The following ENTPD5 variants were observed in gnomAD, a reference collection of about 807,000 sequenced individuals.
ENTPD5 encodes nucleoside diphosphate phosphatase ENTPD5.
A neutral mutation model predicts 60.2 loss-of-function variants in ENTPD5; 49 were observed. The observed-to-expected ratio is 0.81, with a 90% CI of 0.65 to 1.03. ENTPD5 has a LOEUF of 1.03. ENTPD5 is among the 50% of genes least tolerant of loss of function. ENTPD5 has a pLI of 0.00. For missense variants in ENTPD5, 480 were observed against 507.6 expected (o/e 0.95, Z 0.52); for synonymous variants, 187 against 185.4 (o/e 1.01, Z -0.07).
rs570118694 is a variant in ENTPD5, at chr14:73,973,021, T to G, written c.890A>C (p.Glu297Ala). The change falls in exon 13 of 16, where the codon GAG becomes GCG. Residue 297 changes from glutamate to alanine, a missense_variant. By Grantham distance (107) the Glu-to-Ala change is moderately radical. Transcript: ENST00000334696. Reference protein sequence around the residue: ...KYQYGGNQEGEVGFEPCYAEV... With the variant: ...KYQYGGNQEGAVGFEPCYAEV... ...GGCATAGCAGGGCTCAAAGCCCACC[T>G]CCCCTGCCAGGCAAAGGTGCACAGG... The G allele has an allele frequency of 5.5e-5, 89 of 1,613,966 alleles. No individual in the cohort carries two copies. The Admixed American group carries it at 1.3e-3, about 24-fold the overall frequency.
chr14:74,001,967 A>G (rs2140791378), intron 3 of ENTPD5, among the ~76,000 whole-genome samples: 1 of 152,316 alleles, frequency 6.6e-6, no homozygotes. Context: ...CATTTAATGC[A>G]GAGGATAAAG....
At chr14:74,010,250 T>C (rs1285441152) in intron 3 of ENTPD5, among the ~76,000 whole-genome samples, 2 of 152,088 alleles carry the variant, frequency 1.3e-5, no homozygotes, top group African/African-American at 4.8e-5. Flanking sequence ...CTATAACACT[T>C]AGTGTTTGGT....
intron 5 of ENTPD5, chr14:73,986,577 T>A: frequency 2.0e-6 from 1 of 511,666 alleles, no homozygotes; most frequent in South Asian, 2.5e-5. Flanking sequence ...GAGTAATCTC[T>A]TAAAAGCTAG....
intron 12 of ENTPD5, among the ~76,000 whole-genome samples, chr14:73,973,458 C>G (rs2072292): frequency 0.4 from 61,217 of 152,114 alleles, 13,396 homozygotes; most frequent in South Asian, 0.49. Flanking sequence ...ACTAAACAGG[C>G]TTTCACACTG....
chr14:74,006,121 T>C (rs1594948099), intron 3 of ENTPD5, among the ~76,000 whole-genome samples: 1 of 151,972 alleles, frequency 6.6e-6, no homozygotes, highest in African/African-American at 2.4e-5. Context: ...CCAAAGTAGC[T>C]GGGATTACAG....
At chr14:74,014,136 A>C (rs1277701818) in intron 2 of ENTPD5, among the ~76,000 whole-genome samples, 2 of 152,204 alleles carry the variant, frequency 1.3e-5, no homozygotes, top group Admixed American at 6.5e-5. Flanking sequence ...ATAAAGGAAC[A>C]GTAGTTAATG....
chr14:73,977,524 T>A (rs984740327), intron 6 of ENTPD5, 150 bp from the exon 7 acceptor site: 1 of 575,502 alleles, frequency 1.7e-6, no homozygotes, highest in Non-Finnish European at 3.0e-6. Context: ...CCTAAGAAAC[T>A]AGAGAAGAAA....
chr14:73,975,635 C>A (rs1305474031), intron 10 of ENTPD5, among the ~76,000 whole-genome samples: 1 of 152,084 alleles, frequency 6.6e-6, no homozygotes, highest in Non-Finnish European at 1.5e-5. Context: ...AACGCCTGAC[C>A]TCAGGTGACC....
rs1373824822 is a variant in ENTPD5, at chr14:73,966,997, G to T, written c.1218C>A (p.Asn406Lys). 1 of 1,614,090 alleles carries T rather than the reference G, an allele frequency of 6.2e-7. No individual in the cohort carries two copies. The change falls in exon 16 of 16, where the codon AAC becomes AAA. Residue 406 changes from asparagine to lysine, a missense_variant. By Grantham distance (94) the Asn-to-Lys change is moderately conservative. Coordinates refer to ENST00000334696, the MANE Select transcript of ENTPD5 (RefSeq NM_001249.5). Reference sequence around the variant, plus strand: ...CCAAGGCCCAGCCCGTCTCTATGTTGTTCACTTTCTTTGTGAGCTGTTGAG... The same window carrying T: ...CCAAGGCCCAGCCCGTCTCTATGTTTTTCACTTTCTTTGTGAGCTGTTGAG... ...STVLQLTKKV[N>K]NIETGWALGA...
chr14:73,969,709 A>T (rs376475615), intron 15 of ENTPD5, among the ~76,000 whole-genome samples: 1 of 128,326 alleles, frequency 7.8e-6, no homozygotes, highest in African/African-American at 2.7e-5. Flanking sequence ...CATCTCAAAA[A>T]AATAATAATA....
intron 3 of ENTPD5, among the ~76,000 whole-genome samples, chr14:74,001,338 T>C (rs1037446643): frequency 1.3e-5 from 2 of 151,882 alleles, no homozygotes; most frequent in Non-Finnish European, 2.9e-5. Flanking sequence ...CCGTCTCTAC[T>C]AAAAATACAA....
intron 1 of ENTPD5, among the ~76,000 whole-genome samples, chr14:74,017,293 G>C (rs1594973237): frequency 6.7e-6 from 1 of 149,568 alleles, no homozygotes; most frequent in Non-Finnish European, 1.5e-5. Context: ...ACTCCAGCCT[G>C]GGAAACAAGA....
At chr14:73,961,635 C>T (rs116737018), downstream of ENTPD5, 4,880 of 1,602,050 alleles carry the variant, frequency 3.0e-3, 122 homozygotes, top group African/African-American at 0.054. Flanking sequence ...TCAGGGCCCA[C>T]AGTAGCAAGA....
In ENTPD5 at chr14:74,019,288, C is replaced by T. The variant is rs2059186794; in HGVS notation, c.-276G>A. The T allele has an allele frequency of 1.1e-5, 6 of 558,184 alleles. No individual in the cohort carries two copies. Among genetic ancestry groups the T allele is most frequent in the South Asian group, 1.6e-4 (2 of 12,612 alleles). 34.6% of individuals were successfully genotyped at this position (558,184 alleles called of 1,614,324 possible). ...CCCTTGCGCGGCAGCCCGCCGCCCTCGGCGCGACCTCCGCCCCACCCCGCG... is the reference window on the plus strand; with the variant it reads ...CCCTTGCGCGGCAGCCCGCCGCCCTTGGCGCGACCTCCGCCCCACCCCGCG... On this transcript the variant is annotated 5_prime_UTR_variant, in exon 1 of 16. Coordinates refer to ENST00000334696, the MANE Select transcript of ENTPD5 (RefSeq NM_001249.5).
intron 3 of ENTPD5, among the ~76,000 whole-genome samples, chr14:73,991,513 G>C (rs766131113): frequency 6.6e-6 from 1 of 151,240 alleles, no homozygotes; most frequent in African/African-American, 2.4e-5. Context: ...ACTTGAACCC[G>C]GGAGGCGGAG....
chr14:74,002,459 G>T (rs913072578), intron 3 of ENTPD5, among the ~76,000 whole-genome samples: 3 of 151,654 alleles, frequency 2.0e-5, no homozygotes, highest in African/African-American at 7.3e-5. Flanking sequence ...TAGAGATGGA[G>T]TCTCACTATG....
chr14:73,959,255 A>C (rs969608411), downstream of ENTPD5: 1 of 1,614,164 alleles, frequency 6.2e-7, no homozygotes, highest in East Asian at 2.2e-5. Context: ...GTCCGCCCAC[A>C]TGCATGCAAG....
At chr14:73,958,828 G>T (rs2056567854), downstream of ENTPD5, 3 of 1,536,582 alleles carry the variant, frequency 2.0e-6, no homozygotes, top group Non-Finnish European at 2.6e-6. Context: ...TCCACCTCTA[G>T]GGGCTGTGAG....
At chr14:74,011,448 G>C (rs2058842187) in intron 2 of ENTPD5, among the ~76,000 whole-genome samples, 1 of 152,114 alleles carries the variant, frequency 6.6e-6, no homozygotes, top group African/African-American at 2.4e-5. Flanking sequence ...CTAGAAGCTG[G>C]TGTATATGTG....
Sources: allele counts gnomAD v4.1 joint callset (sites outside exome capture counted in the v4.1 genomes callset), GRCh38; gene constraint gnomAD v4.1.1; transcripts MANE v1.5; gene names NCBI Gene and HGNC (gene_info 2026-07-23, HGNC 2026-07-21).